Variants in TXLNB observed in about 807,000 individuals in gnomAD.
TXLNB encodes taxilin beta.
Under a neutral mutation model 57.4 loss-of-function variants are expected in TXLNB, and 37 were observed. The ratio of observed to expected loss-of-function variants is 0.64; its 90% CI spans 0.50 to 0.85. The LOEUF is 0.85. Ranked by LOEUF, TXLNB falls within the 40% of genes least tolerant of loss-of-function variation. The pLI, the probability that TXLNB is intolerant of heterozygous loss-of-function variation, is 0.00. For missense variants in TXLNB, 848 were observed against 825.6 expected (o/e 1.03, Z -0.33); for synonymous variants, 302 against 309.6 (o/e 0.98, Z 0.26).
chr6:139,162,929 C>G, the TXLNB span, among the ~76,000 whole-genome samples: 1 of 152,072 alleles, frequency 6.6e-6, no homozygotes, highest in African/African-American at 2.4e-5. Flanking sequence ...TCTTCTGTAC[C>G]CTGCCCATGC....
At chr6:139,174,269 T>C in the TXLNB span, 5 of 1,225,992 alleles carry the variant, frequency 4.1e-6, no homozygotes, top group Non-Finnish European at 5.6e-6. Flanking sequence ...CTTTTTATAT[T>C]TATCCAAATG....
chr6:139,244,521 G>T (rs964730049), intron 9 of TXLNB, 74 bp downstream of exon 9: 5 of 1,032,258 alleles, frequency 4.8e-6, no homozygotes, highest in Non-Finnish European at 7.6e-6. Context: ...CTATTACCAG[G>T]TTATAATTGT....
At chr6:139,199,371 A>G in the TXLNB span, among the ~76,000 whole-genome samples, 1 of 152,070 alleles carries the variant, frequency 6.6e-6, no homozygotes, top group African/African-American at 2.4e-5. Flanking sequence ...ATGTCCTTTT[A>G]CCAGTCAGTC....
At chr6:139,197,707 G>A in the TXLNB span, 1 of 152,210 alleles carries the variant, frequency 6.6e-6, no homozygotes, top group East Asian at 1.9e-4. Flanking sequence ...CCTGAGACTG[G>A]ATAATTCATA....
At chr6:139,172,605 G>C in the TXLNB span, among the ~76,000 whole-genome samples, 4,568 of 152,238 alleles carry the variant, frequency 0.03, 75 homozygotes, top group Non-Finnish European at 0.039. Context: ...AATTCACAAA[G>C]GGTTTAGAAA....
chr6:139,273,021 C>A (rs1244343268), intron 3 of TXLNB, among the ~76,000 whole-genome samples: 1 of 151,476 alleles, frequency 6.6e-6, no homozygotes, highest in Non-Finnish European at 1.5e-5. Context: ...GTGACAAGAG[C>A]AAGACTCCAT....
chr6:139,252,971 A>G (rs1031236038), intron 7 of TXLNB, among the ~76,000 whole-genome samples: 3 of 152,194 alleles, frequency 2.0e-5, no homozygotes, highest in Non-Finnish European at 4.4e-5. Context: ...CAGCCTGGGC[A>G]ACAGAGTGAG....
At chr6:139,303,435 G>A in the TXLNB span, among the ~76,000 whole-genome samples, 2 of 152,096 alleles carry the variant, frequency 1.3e-5, no homozygotes, top group Non-Finnish European at 2.9e-5. Context: ...AGGGAATAAG[G>A]AAATGTTGCA....
At chr6:139,249,024 G>C (rs58346918) in intron 7 of TXLNB, among the ~76,000 whole-genome samples, 12,945 of 152,292 alleles carry the variant, frequency 0.085, 604 homozygotes, top group Middle Eastern at 0.11. Context: ...TTCCACAGAT[G>C]GAAGTAATGA....
chr6:139,209,102 C>G, the TXLNB span, among the ~76,000 whole-genome samples: 3 of 152,220 alleles, frequency 2.0e-5, no homozygotes, highest in Admixed American at 1.3e-4. Context: ...TTTCAGGATA[C>G]AAAATTAATG....
At chr6:139,263,771 A>T (rs1776546169) in intron 4 of TXLNB, among the ~76,000 whole-genome samples, 1 of 152,244 alleles carries the variant, frequency 6.6e-6, no homozygotes, top group Admixed American at 6.5e-5. Context: ...CAGACATTTT[A>T]GGATTCCTTT....
At chr6:139,265,755 A>T (rs981098753) in intron 4 of TXLNB, among the ~76,000 whole-genome samples, 11 of 152,242 alleles carry the variant, frequency 7.2e-5, no homozygotes, top group African/African-American at 2.7e-4. Context: ...GCACTTGTAC[A>T]TGAGTTTCCT....
rs1775898565 is a variant in TXLNB, at chr6:139,240,165, ATAGT to A, written c.*2357_*2360del. The A allele has an allele frequency of 6.5e-6, 1 of 152,680 alleles. No homozygotes were observed. 9.5% of individuals were successfully genotyped at this position (152,680 alleles called of 1,614,324 possible). A position where few individuals can be genotyped will look rare whatever the true frequency, so the allele number is the denominator to read the frequency against. On this transcript the variant is annotated 3_prime_UTR_variant, in exon 10 of 10. Coordinates refer to ENST00000358430, the MANE Select transcript of TXLNB (RefSeq NM_153235.4). ...AGAAAGTAGATGGCATTTCTAAAAA[ATAGT>A]TACATACACTTGATAAAGAACAGAC...
At chr6:139,178,909 T>G in the TXLNB span, 1 of 152,186 alleles carries the variant, frequency 6.6e-6, no homozygotes, top group African/African-American at 2.4e-5. Context: ...TGATGTTTTG[T>G]TTGAAACAAT....
chr6:139,323,137 T>G, the TXLNB span, among the ~76,000 whole-genome samples: 44 of 152,312 alleles, frequency 2.9e-4, 1 homozygote, highest in South Asian at 8.1e-3. Context: ...TTATCCTTCC[T>G]TAAATACATA....
chr6:139,223,811 G>T, the TXLNB span, among the ~76,000 whole-genome samples: 2 of 152,070 alleles, frequency 1.3e-5, no homozygotes, highest in African/African-American at 4.8e-5. Context: ...TGCTGGAGAG[G>T]ATGTGGAGAA....
chr6:139,202,580 G>A, the TXLNB span, among the ~76,000 whole-genome samples: 1 of 152,050 alleles, frequency 6.6e-6, no homozygotes, highest in African/African-American at 2.4e-5. Flanking sequence ...TTTTAAAATT[G>A]ACATGTAATA....
chr6:139,225,721 A>G, the TXLNB span, among the ~76,000 whole-genome samples: 2 of 152,186 alleles, frequency 1.3e-5, no homozygotes, highest in Non-Finnish European at 2.9e-5. Flanking sequence ...TGGAAAACTC[A>G]ATATTGTGAA....
chr6:139,212,984 C>T, the TXLNB span, among the ~76,000 whole-genome samples: 1 of 152,154 alleles, frequency 6.6e-6, no homozygotes, highest in African/African-American at 2.4e-5. Context: ...TAAAGCAAGT[C>T]CTTAGTGACC....
Sources: allele counts gnomAD v4.1 joint callset (sites outside exome capture counted in the v4.1 genomes callset), GRCh38; gene constraint gnomAD v4.1.1; transcripts MANE v1.5; gene names NCBI Gene and HGNC (gene_info 2026-07-23, HGNC 2026-07-21).